Variants in RTTN observed in about 807,000 individuals in gnomAD.
RTTN encodes rotatin.
RTTN carries 182 observed loss-of-function variants against 269.2 expected under a neutral mutation model. The ratio of observed to expected loss-of-function variants is 0.68; its 90% CI spans 0.60 to 0.76. The LOEUF is 0.76. Among genes scored for constraint, RTTN ranks in the 30% least tolerant of loss-of-function variants. The pLI is 0.00. For synonymous variants in RTTN, 1,006 were observed against 963.5 expected, an observed-to-expected ratio of 1.04 and a Z score of -0.82; for missense variants, 2,545 against 2,608.6, an observed-to-expected ratio of 0.98 and a Z score of 0.53.
intron 40 of RTTN, among the ~76,000 whole-genome samples, chr18:70,042,361 A>ATTTTTTTT (rs2057366039): frequency 8.9e-6 from 1 of 112,528 alleles, no homozygotes; most frequent in African/African-American, 3.5e-5. Context: ...GGGCTTTGGA[A>ATTTTTTTT]TTTTCTTTTT....
intron 43 of RTTN, among the ~76,000 whole-genome samples, chr18:70,025,579 T>C (rs2056831154): frequency 6.6e-6 from 1 of 152,174 alleles, no homozygotes; most frequent in Admixed American, 6.6e-5. Flanking sequence ...ATTCCCAATG[T>C]TCAACACTCT....
chr18:70,020,471 T>C lies in RTTN; in HGVS notation c.6153+144A>G, dbSNP rs982162796. 6 of 771,338 alleles carry C rather than the reference T, an allele frequency of 7.8e-6. No individual in the cohort carries two copies. The African/African-American group carries it at 1.0e-4, about 13-fold the overall frequency. 47.8% of individuals were successfully genotyped at this position (771,338 alleles called of 1,614,324 possible). A position where few individuals can be genotyped will look rare whatever the true frequency, so the allele number is the denominator to read the frequency against. ...ATCTATCAACTGGCTTTAAACAAAGTGAACCTCTTAACCCTTTTATAATCC... is the reference window on the plus strand; with the variant it reads ...ATCTATCAACTGGCTTTAAACAAAGCGAACCTCTTAACCCTTTTATAATCC... On this transcript the variant is annotated intron_variant, in intron 45 of 48. Transcript: ENST00000640769.
chr18:70,201,252 C>T (rs770569915), intron 4 of RTTN, among the ~76,000 whole-genome samples: 1 of 152,140 alleles, frequency 6.6e-6, no homozygotes, highest in Non-Finnish European at 1.5e-5. Context: ...ATGGTGCCAT[C>T]GTTAAGCTGG....
intron 38 of RTTN, among the ~76,000 whole-genome samples, chr18:70,052,668 T>C (rs2057706702): frequency 8.6e-6 from 1 of 116,880 alleles, no homozygotes; most frequent in South Asian, 3.5e-4. Context: ...TCACAATGTG[T>C]CAATTTACAT....
intron 25 of RTTN, among the ~76,000 whole-genome samples, chr18:70,125,349 A>C (rs930311111): frequency 1.3e-5 from 2 of 152,014 alleles, no homozygotes; most frequent in African/African-American, 4.8e-5. Flanking sequence ...AAATATAATA[A>C]GACTTCCTTA....
At position 70,024,824 on chromosome 18, in the gene RTTN, C is replaced by T. The variant is rs1180002702; in HGVS notation, c.5848G>A (p.Val1950Ile). 6.2e-7 allele frequency: 1 copy of T among 1,613,736 alleles called. No homozygotes were observed. Among genetic ancestry groups the T allele is most frequent in the Non-Finnish European group, 8.5e-7 (1 of 1,179,896 alleles). ...GGCCAGAGAGAGTGCAAGACAGGGA[C>T]AAGGTGAGCTTCAAGAGCTGCTTCC... ...CKEAALEAHLVPVLHSLWPWI... is the reference protein window; with the variant it reads ...CKEAALEAHLIPVLHSLWPWI... The change falls in exon 44 of 49, where the codon GTC (valine) becomes ATC (isoleucine). Residue 1950 changes from valine (V) to isoleucine (I), a missense_variant. Coordinates refer to ENST00000640769, the MANE Select transcript of RTTN (RefSeq NM_173630.4).
chr18:70,205,296 G>A lies in RTTN; in HGVS notation c.51C>T (p.Ile17=). ...IRKLGHQLAE[I]RERALKSILC... Reference sequence around the variant, plus strand: ...GAATACTCTTGAGAGCGCGCTCCCTGATCTCGGCCAGCTGATGACCTGTCA... The same window carrying A: ...GAATACTCTTGAGAGCGCGCTCCCTAATCTCGGCCAGCTGATGACCTGTCA... Residue 17 remains isoleucine, a synonymous_variant, in exon 2 of 49, where the codon ATC becomes ATT. Coordinates refer to ENST00000640769, the MANE Select transcript of RTTN (RefSeq NM_173630.4). The A allele has an allele frequency of 2.5e-6, 4 of 1,614,182 alleles. No homozygotes were observed. Among genetic ancestry groups the A allele is most frequent in the Non-Finnish European group, 3.4e-6 (4 of 1,180,016 alleles).
At chr18:70,032,481 G>A (rs1344320412) in intron 40 of RTTN, among the ~76,000 whole-genome samples, 1 of 152,082 alleles carries the variant, frequency 6.6e-6, no homozygotes, top group Non-Finnish European at 1.5e-5. Context: ...TAAAGGGATG[G>A]AAAAAGGCTA....
At chr18:70,106,125 A>T (rs2059314617) in intron 28 of RTTN, among the ~76,000 whole-genome samples, 2 of 152,194 alleles carry the variant, frequency 1.3e-5, no homozygotes, top group South Asian at 4.1e-4. Flanking sequence ...AAGTGGGAAG[A>T]TCATTTGCGC....
chr18:70,139,588 C>A lies in RTTN; in HGVS notation c.2788+11G>T. ...AACAATCTAATTATTAGCAGATTTT[C>A]TTTTATTTACCTCTGAATAACACGG... On this transcript the variant is annotated intron_variant, in intron 21 of 48. Transcript: ENST00000640769. The A allele has an allele frequency of 1.3e-6, 2 of 1,517,276 alleles. No homozygotes were observed. The highest frequency in any genetic ancestry group is 9.1e-7 in the Non-Finnish European group (1 of 1,102,004). 94.0% of individuals were successfully genotyped at this position (1,517,276 alleles called of 1,614,324 possible). A position where few individuals can be genotyped will look rare whatever the true frequency, so the allele number is the denominator to read the frequency against.
chr18:70,136,868 A>G (rs74354155), intron 21 of RTTN, among the ~76,000 whole-genome samples: 1 of 152,164 alleles, frequency 6.6e-6, no homozygotes, highest in Non-Finnish European at 1.5e-5. Flanking sequence ...CCAGTAACAT[A>G]GCAAACTGAA....
At chr18:70,015,974 A>T (rs1181708483) in intron 46 of RTTN, among the ~76,000 whole-genome samples, 2 of 152,166 alleles carry the variant, frequency 1.3e-5, no homozygotes, top group South Asian at 2.1e-4. Context: ...TCATTTTACA[A>T]ATGTGAGGGC....
Position 70,114,463 on chromosome 18 carries a change from A to C in RTTN, c.3665T>G (p.Phe1222Cys), listed in dbSNP as rs771543596. 18 of 1,613,006 alleles carry C rather than the reference A, an allele frequency of 1.1e-5. No homozygotes were observed. In the East Asian group the frequency reaches 3.8e-4, roughly 34 times the overall value. Residue 1222 changes from phenylalanine to cysteine, a missense_variant, in exon 27 of 49, where the codon TTC becomes TGC. By Grantham distance (205) the Phe-to-Cys change is radical. Coordinates refer to ENST00000640769, the MANE Select transcript of RTTN (RefSeq NM_173630.4). ...ATGGTACCTGTCAGTAACTTCCATG[A>C]AATTGAGCAGCAAGGTATCAAAAAG... is the stretch of plus-strand genomic sequence containing the variant. ...IALFDTLLLN[F>C]MEVTDRKCSE...
Position 70,114,534 on chromosome 18 carries a change from A to G in RTTN, c.3594T>C (p.Asp1198=). The G allele has an allele frequency of 6.2e-7, 1 of 1,613,736 alleles. No individual in the cohort carries two copies. ...TESQAREETD[D]IRTAVRQQLQ... ...GTTGTTGCCTGACAGCAGTCCGGAT[A>G]TCATCTGTTTCTTCTCGTGCCTGTG... The change falls in exon 27 of 49, where the codon GAT becomes GAC. Residue 1198 remains aspartate, a synonymous_variant. Transcript: ENST00000640769.
rs746899393 is a variant in RTTN at position 70,065,886 on chromosome 18, G to A, written c.4690C>T (p.Leu1564Phe). The change falls in exon 35 of 49, where the codon CTT becomes TTT. Residue 1564 changes from leucine (L) to phenylalanine (F), a missense_variant. Leu to Phe is a conservative substitution (Grantham distance 22, BLOSUM62 0). Transcript: ENST00000640769. ...GGTAGAAGTGTTGTTGACTGCACAA[G>A]TGGCTGAAATTCAGTACTCCCCAAT... ...PSLGSTEFQP[L>F]VQSTTLLPEA... The A allele has an allele frequency of 2.4e-5, 38 of 1,602,446 alleles. No homozygotes were observed. Among genetic ancestry groups the A allele is most frequent in the Non-Finnish European group, 3.0e-5 (35 of 1,173,378 alleles).
intron 10 of RTTN, among the ~76,000 whole-genome samples, chr18:70,181,631 T>C (rs1354517148): frequency 2.0e-5 from 3 of 152,184 alleles, no homozygotes; most frequent in Non-Finnish European, 4.4e-5. Flanking sequence ...TGATTATATA[T>C]CCTCAGGTAC....
Position 70,167,040 on chromosome 18 carries a change from G to A in RTTN, c.1690-9C>T. 1 of 1,554,392 alleles carries A rather than the reference G, an allele frequency of 6.4e-7. No homozygotes were observed. The highest frequency in any genetic ancestry group is 8.9e-7 in the Non-Finnish European group (1 of 1,126,988). On this transcript the variant is annotated splice_polypyrimidine_tract_variant and intron_variant, in intron 12 of 48. Transcript: ENST00000640769. ...AAGAGATTCTTCTCTCCCTACAAAA[G>A]AAGCAGAATGGAACAATAAATGTCA...
chr18:70,030,842 G>T, intron 41 of RTTN, 34 bp downstream of exon 41: 1 of 1,427,054 alleles, frequency 7.0e-7, no homozygotes, highest in Non-Finnish European at 9.8e-7. Flanking sequence ...AATTGATAAT[G>T]CCATCAAAAC....
intron 26 of RTTN, among the ~76,000 whole-genome samples, chr18:70,116,980 A>G (rs2059617379): frequency 6.9e-6 from 1 of 145,844 alleles, no homozygotes; most frequent in Non-Finnish European, 1.5e-5. Flanking sequence ...TATAAACAAA[A>G]TATCATATTA....
Sources: gnomAD v4.1 joint callset for allele counts (sites outside exome capture counted in the v4.1 genomes callset) on GRCh38, gnomAD v4.1.1 for gene constraint, MANE v1.5 for transcripts, NCBI Gene and HGNC (gene_info 2026-07-23, HGNC 2026-07-21) for gene names.